The following AKAP19 variants were observed in gnomAD, a reference collection of about 807,000 sequenced individuals.
AKAP19 encodes small A-kinase anchoring protein.
the AKAP19 span, among the ~76,000 whole-genome samples, chr2:189,995,255 T>G: frequency 2.0e-5 from 3 of 152,230 alleles, no homozygotes; most frequent in Admixed American, 6.5e-5. Flanking sequence ...TGTTGCTATC[T>G]ATCACATTTC....
chr2:189,965,848 C>T, the AKAP19 span, among the ~76,000 whole-genome samples: 30 of 152,126 alleles, frequency 2.0e-4, no homozygotes, highest in Admixed American at 6.5e-5. Flanking sequence ...CTTGAACACA[C>T]ATGTTTATAG....
chr2:190,062,866 C>G, the AKAP19 span: 1 of 392,648 alleles, frequency 2.5e-6, no homozygotes, highest in Admixed American at 4.2e-5. Context: ...AGTCACCAAG[C>G]AGTATTTTGT....
At chr2:190,165,553 A>T in the AKAP19 span, among the ~76,000 whole-genome samples, 531 of 152,362 alleles carry the variant, frequency 3.5e-3, 4 homozygotes, top group Middle Eastern at 0.014. Flanking sequence ...AGAATTAGAC[A>T]TAGCTGAAGA....
chr2:190,008,730 G>GCACACACACA, the AKAP19 span, among the ~76,000 whole-genome samples: 1 of 120,572 alleles, frequency 8.3e-6, no homozygotes, highest in Non-Finnish European at 1.9e-5. Flanking sequence ...ATGTGCACGT[G>GCACACACACA]CACACACACA....
chr2:189,908,762 G>T, the AKAP19 span, among the ~76,000 whole-genome samples: 1 of 151,984 alleles, frequency 6.6e-6, no homozygotes, highest in African/African-American at 2.4e-5. Flanking sequence ...TAAAACTTTT[G>T]TTGTGGCCTA....
chr2:189,901,278 C>T, the AKAP19 span, among the ~76,000 whole-genome samples: 1 of 151,912 alleles, frequency 6.6e-6, no homozygotes, highest in Non-Finnish European at 1.5e-5. Flanking sequence ...TGGTGTCCTT[C>T]CTAAAGAGAA....
chr2:190,184,969 T>C, the AKAP19 span, among the ~76,000 whole-genome samples: 1 of 152,188 alleles, frequency 6.6e-6, no homozygotes, highest in African/African-American at 2.4e-5. Flanking sequence ...TAGGTAAAGA[T>C]GTGGAGTATA....
the AKAP19 span, among the ~76,000 whole-genome samples, chr2:190,137,550 G>A: frequency 6.6e-6 from 1 of 152,130 alleles, no homozygotes. Flanking sequence ...TCATCTTTTT[G>A]TCCAGGAAAT....
At chr2:189,982,474 G>C in the AKAP19 span, among the ~76,000 whole-genome samples, 1 of 151,892 alleles carries the variant, frequency 6.6e-6, no homozygotes, top group Non-Finnish European at 1.5e-5. Context: ...TCCATATTTT[G>C]AATTCTTTAT....
chr2:189,981,273 C>CTTTTTTTTTTTTTTTTTTTTT, the AKAP19 span, among the ~76,000 whole-genome samples: 1 of 129,002 alleles, frequency 7.8e-6, no homozygotes, highest in Non-Finnish European at 1.7e-5. Flanking sequence ...CCTTCTTTGT[C>CTTTTTTTTTTTTTTTTTTTTT]TTTTTTTTTT....
chr2:190,037,204 C>G, the AKAP19 span, among the ~76,000 whole-genome samples: 1 of 152,184 alleles, frequency 6.6e-6, no homozygotes, highest in South Asian at 2.1e-4. Context: ...AAGACTTGAT[C>G]TGATTTTTTG....
chr2:190,164,382 A>G, the AKAP19 span, among the ~76,000 whole-genome samples: 1 of 152,068 alleles, frequency 6.6e-6, no homozygotes, highest in Admixed American at 6.6e-5. Flanking sequence ...TAAAAATACA[A>G]AAAATTAGGC....
chr2:189,977,670 CAA>C, the AKAP19 span, among the ~76,000 whole-genome samples: 2 of 152,112 alleles, frequency 1.3e-5, no homozygotes, highest in African/African-American at 4.8e-5. Flanking sequence ...AACTATAAAA[CAA>C]GATGTAACTG....
chr2:189,921,598 G>C, the AKAP19 span, among the ~76,000 whole-genome samples: 1 of 152,302 alleles, frequency 6.6e-6, no homozygotes, highest in Non-Finnish European at 1.5e-5. Flanking sequence ...ATTATGGATA[G>C]ATTCCATTCA....
chr2:190,066,023 G>A, the AKAP19 span, among the ~76,000 whole-genome samples: 1 of 152,040 alleles, frequency 6.6e-6, no homozygotes, highest in African/African-American at 2.4e-5. Flanking sequence ...AGGGTGAGTG[G>A]GTAGAGAAGA....
chr2:189,977,445 G>C, the AKAP19 span, among the ~76,000 whole-genome samples: 2 of 152,070 alleles, frequency 1.3e-5, no homozygotes, highest in Non-Finnish European at 2.9e-5. Flanking sequence ...TTGGCTCCAG[G>C]CATCCAGTAG....
At chr2:189,985,795 T>A in the AKAP19 span, among the ~76,000 whole-genome samples, 1 of 152,212 alleles carries the variant, frequency 6.6e-6, no homozygotes, top group Non-Finnish European at 1.5e-5. Context: ...AATGGGTGTT[T>A]TTTAAGCTGC....
chr2:189,898,052 T>A, the AKAP19 span, among the ~76,000 whole-genome samples: 17 of 151,894 alleles, frequency 1.1e-4, no homozygotes, highest in South Asian at 2.1e-4. Context: ...CTACAAAAAA[T>A]ATAAAAATTA....
the AKAP19 span, among the ~76,000 whole-genome samples, chr2:189,920,303 A>G: frequency 3.5e-4 from 54 of 152,294 alleles, no homozygotes; most frequent in Non-Finnish European, 4.3e-4. Flanking sequence ...ATCATTCTCA[A>G]TATGTAACTT....
Sources: gnomAD v4.1 joint callset for allele counts (sites outside exome capture counted in the v4.1 genomes callset) on GRCh38, gnomAD v4.1.1 for gene constraint, MANE v1.5 for transcripts, NCBI Gene and HGNC (gene_info 2026-07-23, HGNC 2026-07-21) for gene names.